The following FRMD5 variants were observed in gnomAD, a reference collection of about 807,000 sequenced individuals.
The protein encoded by FRMD5 is FERM domain containing 5.
In FRMD5, 20 loss-of-function variants were observed where a neutral mutation model predicts 69.0. That is an observed-to-expected ratio of 0.29 (90% CI 0.20 to 0.42). FRMD5 has a LOEUF of 0.42. Among genes scored for constraint, FRMD5 ranks in the 10% least tolerant of loss-of-function variants. The pLI is 1.00. For synonymous variants in FRMD5, 271 were observed against 260.1 expected, an observed-to-expected ratio of 1.04 and a Z score of -0.40; for missense variants, 595 against 708.6, an observed-to-expected ratio of 0.84 and a Z score of 1.82.
chr15:44,004,756 G>A (rs1319224155), intron 1 of FRMD5, among the ~76,000 whole-genome samples: 1 of 152,150 alleles, frequency 6.6e-6, no homozygotes. Context: ...TCAAGTAAGA[G>A]GAAAAGTCAC....
At chr15:43,990,108 G>A (rs1251294930) in intron 1 of FRMD5, 12 of 649,076 alleles carry the variant, frequency 1.8e-5, no homozygotes, top group Non-Finnish European at 3.5e-5. Context: ...CCCGGGGTGG[G>A]CATCGTCACC....
Position 44,151,420 on chromosome 15 carries a change from GAAAGAAA to G in FRMD5, c.102+43526_102+43532del, listed in dbSNP as rs1393359549. ...TCAAAAAAAAAAAAAAAGAAAGAAAGAAAGAAAAAAGAATTAACACACAAAAATCAGT... is the reference window on the plus strand; with the variant it reads ...TCAAAAAAAAAAAAAAAGAAAGAAAGAAAGAATTAACACACAAAAATCAGT... On this transcript the variant is annotated intron_variant, in intron 1 of 13. Transcript: ENST00000417257. 5.4e-5 allele frequency among the ~76,000 whole-genome samples: 8 copies of G among 147,872 alleles called. No individual in the cohort carries two copies. In the East Asian group the frequency reaches 1.6e-3, roughly 29 times the overall value.
intron 1 of FRMD5, among the ~76,000 whole-genome samples, chr15:44,100,954 T>C (rs556861155): frequency 2.0e-5 from 3 of 151,952 alleles, no homozygotes; most frequent in South Asian, 2.1e-4. Context: ...ATCGAGACCA[T>C]CCTGGCCAAC....
chr15:44,008,948 C>T (rs922079408), intron 1 of FRMD5, among the ~76,000 whole-genome samples: 1 of 152,106 alleles, frequency 6.6e-6, no homozygotes, highest in Admixed American at 6.5e-5. Context: ...ATGGCATGAA[C>T]CCGGGAGGCG....
At chr15:43,978,153 C>T (rs1016857184) in intron 1 of FRMD5, among the ~76,000 whole-genome samples, 1 of 152,208 alleles carries the variant, frequency 6.6e-6, no homozygotes, top group African/African-American at 2.4e-5. Flanking sequence ...GAGTTGCCTT[C>T]TCTCTCACTT....
rs575125467 is a variant in FRMD5 at position 43,873,085 on chromosome 15, G to GA, written c.*799dup. 8,943 of 1,155,176 alleles carry GA rather than the reference G, an allele frequency of 7.7e-3. No homozygotes were observed. The highest frequency in any genetic ancestry group is 8.8e-3 in the South Asian group (566 of 64,368). The allele number at this position is 1,155,176 out of a possible 1,614,324, so 71.6% of individuals were successfully genotyped here. On this transcript the variant is annotated 3_prime_UTR_variant, in exon 14 of 14. Transcript: ENST00000417257. ...ACTATAAAAGTCTTGAGGTTCTTCGGAAAAAAAAAATCACGTTAAGTCTAG... is the reference window on the plus strand; with the variant it reads ...ACTATAAAAGTCTTGAGGTTCTTCGGAAAAAAAAAAATCACGTTAAGTCTAG...
At chr15:44,123,765 A>G (rs111881821) in intron 1 of FRMD5, among the ~76,000 whole-genome samples, 107 of 152,186 alleles carry the variant, frequency 7.0e-4, no homozygotes, top group Non-Finnish European at 2.9e-4. Flanking sequence ...TGAAAAAGAA[A>G]ATACAAATGG....
chr15:44,013,287 G>A (rs1187781020), intron 1 of FRMD5, among the ~76,000 whole-genome samples: 5 of 152,116 alleles, frequency 3.3e-5, no homozygotes. Context: ...CAGCTACATG[G>A]GAGGCTAAGC....
At chr15:44,019,204 T>C (rs1410118450) in intron 1 of FRMD5, among the ~76,000 whole-genome samples, 1 of 152,172 alleles carries the variant, frequency 6.6e-6, no homozygotes, top group African/African-American at 2.4e-5. Flanking sequence ...GATGTGGGCA[T>C]ATATTTCTAA....
chr15:43,963,074 A>G (rs1451146851), intron 1 of FRMD5, among the ~76,000 whole-genome samples: 1 of 152,214 alleles, frequency 6.6e-6, no homozygotes, highest in African/African-American at 2.4e-5. Context: ...ATTAAACTAA[A>G]GAGCTTCTGC....
intron 1 of FRMD5, among the ~76,000 whole-genome samples, chr15:43,954,817 T>C (rs543969179): frequency 6.6e-6 from 1 of 152,304 alleles, no homozygotes; most frequent in African/African-American, 2.4e-5. Context: ...AGATAAGTGA[T>C]ATAAAGTGCT....
intron 1 of FRMD5, among the ~76,000 whole-genome samples, chr15:44,115,724 C>T (rs781354570): frequency 1.3e-4 from 20 of 152,004 alleles, no homozygotes; most frequent in Admixed American, 3.9e-4. Flanking sequence ...GAGGATTTCT[C>T]AAAGGAAAGA....
intron 1 of FRMD5, among the ~76,000 whole-genome samples, chr15:44,192,866 T>C (rs2078218874): frequency 6.6e-6 from 1 of 152,168 alleles, no homozygotes; most frequent in African/African-American, 2.4e-5. Flanking sequence ...CAGTGGACAC[T>C]TACTACAGTG....
chr15:43,951,476 CCCTATAATGCTATAGA>C lies in FRMD5; in HGVS notation c.103-27183_103-27168del, dbSNP rs2090028089. The stretch of plus-strand genomic sequence containing the variant: ...AATAAATTGCTGTTGATTGTAGTTG[CCCTATAATGCTATAGA>C]ACACTAGAACTATAATGAAAAATAT... On this transcript the variant is annotated intron_variant, in intron 1 of 13. Transcript: ENST00000417257. 2.6e-5 allele frequency among the ~76,000 whole-genome samples: 4 copies of C among 151,504 alleles called. No individual in the cohort carries two copies. The South Asian group carries it at 8.4e-4, about 32-fold the overall frequency.
intron 1 of FRMD5, among the ~76,000 whole-genome samples, chr15:44,064,630 C>A (rs971649404): frequency 6.6e-6 from 1 of 152,058 alleles, no homozygotes; most frequent in Non-Finnish European, 1.5e-5. Context: ...TCTACCTCCC[C>A]CTTTAGAGGA....
chr15:44,007,637 ATTTTTTTTT>A (rs35512441), intron 1 of FRMD5, among the ~76,000 whole-genome samples: 7 of 81,146 alleles, frequency 8.6e-5, no homozygotes, highest in African/African-American at 2.4e-4. Flanking sequence ...TAATTAACTA[ATTTTTTTTT>A]TTTTTTTTTT....
chr15:44,143,937 AAAAAAGG>A (rs1295538475), intron 1 of FRMD5, among the ~76,000 whole-genome samples: 1 of 151,284 alleles, frequency 6.6e-6, no homozygotes, highest in African/African-American at 2.4e-5. Context: ...AAAAAAAAAA[AAAAAAGG>A]AAAAGAAAAG....
At chr15:44,029,014 C>T (rs1354147604) in intron 1 of FRMD5, among the ~76,000 whole-genome samples, 2 of 152,240 alleles carry the variant, frequency 1.3e-5, no homozygotes, top group Non-Finnish European at 2.9e-5. Context: ...TTTACCACTA[C>T]ATCCACTGCT....
At chr15:44,042,439 T>A (rs1892239210) in intron 1 of FRMD5, among the ~76,000 whole-genome samples, 2 of 152,182 alleles carry the variant, frequency 1.3e-5, no homozygotes, top group Non-Finnish European at 2.9e-5. Flanking sequence ...GAGGCCAGCA[T>A]CATCCTGATA....
Sources: gnomAD v4.1 joint callset for allele counts (sites outside exome capture counted in the v4.1 genomes callset) on GRCh38, gnomAD v4.1.1 for gene constraint, MANE v1.5 for transcripts, NCBI Gene and HGNC (gene_info 2026-07-23, HGNC 2026-07-21) for gene names.